Variants in DAB2IP observed in about 807,000 individuals in gnomAD.
The protein encoded by DAB2IP is disabled homolog 2-interacting protein.
Under a neutral mutation model 107.2 loss-of-function variants are expected in DAB2IP, and 28 were observed. That is an observed-to-expected ratio of 0.26 (90% CI 0.19 to 0.36). The LOEUF is 0.36. Ranked by LOEUF, DAB2IP falls within the 10% of genes least tolerant of loss-of-function variation. DAB2IP has a pLI of 1.00. For synonymous variants in DAB2IP, 755 were observed against 706.4 expected (o/e 1.07, Z -1.09); for missense variants, 1,400 against 1,644.7 (o/e 0.85, Z 2.57).
At chr9:121,703,980 C>G (rs923287364) in intron 3 of DAB2IP, among the ~76,000 whole-genome samples, 10 of 152,164 alleles carry the variant, frequency 6.6e-5, no homozygotes, top group African/African-American at 2.2e-4. Context: ...CTGCTTACAC[C>G]TGGGAAAGCA....
chr9:121,606,515 C>A (rs190077261), intron 1 of DAB2IP, among the ~76,000 whole-genome samples: 5 of 152,332 alleles, frequency 3.3e-5, no homozygotes, highest in Non-Finnish European at 7.4e-5. Flanking sequence ...CAGCTCAGCT[C>A]CCATGGCTGG....
At chr9:121,579,926 G>A (rs1830153581) in intron 1 of DAB2IP, among the ~76,000 whole-genome samples, 1 of 152,194 alleles carries the variant, frequency 6.6e-6, no homozygotes, top group South Asian at 2.1e-4. Context: ...CACTGCACCT[G>A]GGTCGGGGGA....
Position 121,651,937 on chromosome 9 carries a change from TA to T in DAB2IP, c.124+40del. The T allele has an allele frequency of 7.8e-7, 1 of 1,279,476 alleles. No individual in the cohort carries two copies. The highest frequency in any genetic ancestry group is 2.5e-5 in the South Asian group (1 of 40,682). 79.3% of individuals were successfully genotyped at this position (1,279,476 alleles called of 1,614,324 possible). A position where few individuals can be genotyped will look rare whatever the true frequency, so the allele number is the denominator to read the frequency against. ...CCGACCCCTGACCCCTAGACCCTCC[TA>T]AGGCCACTAAGCCACCTGATGCCCT... On this transcript the variant is annotated intron_variant, in intron 1 of 15. Coordinates refer to ENST00000408936, the Ensembl canonical transcript of DAB2IP. This position sits in a 1 kb window ranked among gnomAD's most constrained non-coding sequence, Gnocchi z 5.1.
rs1833239499 is a variant in DAB2IP at position 121,662,184 on chromosome 9, C to T, written c.124+10285C>T. 6.6e-6 allele frequency among the ~76,000 whole-genome samples: 1 copy of T among 152,110 alleles called. No individual in the cohort carries two copies. The highest frequency in any genetic ancestry group is 2.1e-4 in the South Asian group (1 of 4,824). On this transcript the variant is annotated intron_variant, in intron 1 of 15. Coordinates refer to ENST00000408936, the Ensembl canonical transcript of DAB2IP. The surrounding 1 kb of genome is among the most constrained non-coding windows in gnomAD (Gnocchi z 4.6). ...AATATTCTAAAGTAGAACAGAAAAG[C>T]ATAGAAAATAATATTGCAGACACCC...
At chr9:121,609,488 A>G (rs986353007) in intron 1 of DAB2IP, among the ~76,000 whole-genome samples, 18 of 152,014 alleles carry the variant, frequency 1.2e-4, no homozygotes, top group African/African-American at 3.9e-4. Context: ...TCGGCTCCCA[A>G]CTTCTCCAGG....
chr9:121,733,203 C>T (rs1356636520), intron 3 of DAB2IP, among the ~76,000 whole-genome samples: 1 of 152,232 alleles, frequency 6.6e-6, no homozygotes, highest in Non-Finnish European at 1.5e-5. Flanking sequence ...CTGTTTCTGT[C>T]CTACAGACGG....
At chr9:121,617,958 C>T (rs1242251330) in intron 1 of DAB2IP, among the ~76,000 whole-genome samples, 1 of 152,194 alleles carries the variant, frequency 6.6e-6, no homozygotes, top group Non-Finnish European at 1.5e-5. Flanking sequence ...TGTTTAATCA[C>T]CTGCTAGACT....
intron 1 of DAB2IP, among the ~76,000 whole-genome samples, chr9:121,673,555 A>T (rs1011613689): frequency 7.9e-5 from 12 of 152,366 alleles, no homozygotes; most frequent in African/African-American, 2.6e-4. Flanking sequence ...GTATACACAC[A>T]GTACATAAAA....
At chr9:121,770,818 A>G (rs1049931476) in intron 11 of DAB2IP, 94 bp downstream of exon 11, 27 of 1,476,958 alleles carry the variant, frequency 1.8e-5, no homozygotes, top group Non-Finnish European at 2.4e-5. Context: ...GGATGCCTAC[A>G]TAGTGTTTAT....
chr9:121,740,089 C>T (rs915058094), intron 3 of DAB2IP, among the ~76,000 whole-genome samples: 7 of 152,046 alleles, frequency 4.6e-5, no homozygotes, highest in African/African-American at 9.7e-5. Flanking sequence ...GAGAAGGTGG[C>T]GGGGACAGCA....
chr9:121,642,065 T>C (rs139547308), intron 1 of DAB2IP, among the ~76,000 whole-genome samples: 8,188 of 107,580 alleles, frequency 0.076, 1,259 homozygotes, highest in African/African-American at 0.26. Flanking sequence ...CTTTCTTTCT[T>C]TCTTTCTTTC....
At chr9:121,688,964 C>T (rs1829026303) in intron 2 of DAB2IP, among the ~76,000 whole-genome samples, 1 of 152,138 alleles carries the variant, frequency 6.6e-6, no homozygotes, top group African/African-American at 2.4e-5. Context: ...GACAAGTGAC[C>T]CAGCCCACCA....
chr9:121,683,753 T>A (rs1203806587), intron 2 of DAB2IP, among the ~76,000 whole-genome samples: 1 of 152,216 alleles, frequency 6.6e-6, no homozygotes, highest in Non-Finnish European at 1.5e-5. Context: ...AACAGTTATC[T>A]CTGGCCAGGA....
At chr9:121,677,321 C>A (rs1833959156) in intron 1 of DAB2IP, among the ~76,000 whole-genome samples, 1 of 152,108 alleles carries the variant, frequency 6.6e-6, no homozygotes, top group South Asian at 2.1e-4. Context: ...GAGTTTGAGA[C>A]CAGCTTGGGC....
intron 3 of DAB2IP, among the ~76,000 whole-genome samples, 188 bp from the exon 4 acceptor site, chr9:121,756,825 C>T (rs576408104): frequency 8.5e-5 from 13 of 152,302 alleles, no homozygotes; most frequent in African/African-American, 9.6e-5. Flanking sequence ...CTCTTGCAGT[C>T]GGGAGGAGGT....
intron 3 of DAB2IP, among the ~76,000 whole-genome samples, chr9:121,734,050 G>T (rs1288976189): frequency 6.6e-6 from 1 of 152,242 alleles, no homozygotes; most frequent in East Asian, 1.9e-4. Context: ...GCCAAGAATG[G>T]TCACTGTGTA....
rs141889064 is a variant in DAB2IP at position 121,659,090 on chromosome 9, T to C, written c.124+7191T>C. Among the ~76,000 whole-genome samples, 118 of 152,310 alleles carry C rather than the reference T, an allele frequency of 7.7e-4. No individual in the cohort carries two copies. The East Asian group carries it at 0.02, about 26-fold the overall frequency. ...AAGGCAGAGCACAGGGAGGGAGATG[T>C]TGGGGCCATGAGGCTCTGCCTTCCT... On this transcript the variant is annotated intron_variant, in intron 1 of 15. Coordinates refer to ENST00000408936, the Ensembl canonical transcript of DAB2IP.
chr9:121,727,217 A>G (rs1192789864), intron 3 of DAB2IP, among the ~76,000 whole-genome samples: 1 of 152,202 alleles, frequency 6.6e-6, no homozygotes, highest in Non-Finnish European at 1.5e-5. Context: ...CTTGAAGCAG[A>G]GACACTGATG....
chr9:121,590,690 C>G (rs947929896), intron 1 of DAB2IP, among the ~76,000 whole-genome samples: 3 of 152,136 alleles, frequency 2.0e-5, no homozygotes, highest in Non-Finnish European at 2.9e-5. Context: ...TGGCAACAAA[C>G]AGTATCCAAC....
Sources: gnomAD v4.1 joint callset for allele counts (sites outside exome capture counted in the v4.1 genomes callset) on GRCh38, gnomAD v4.1.1 for gene constraint, Gnocchi (gnomAD v3.1) non-coding constraint, MANE v1.5 for transcripts, NCBI Gene and HGNC (gene_info 2026-07-23, HGNC 2026-07-21) for gene names.